The following STAM variants were observed in gnomAD, a reference collection of about 807,000 sequenced individuals.
STAM encodes the protein signal transducing adaptor molecule, also known as signal transducing adapter molecule 1.
A neutral mutation model predicts 63.4 loss-of-function variants in STAM; 16 were observed. The observed-to-expected ratio is 0.25, with a 90% CI of 0.17 to 0.38. The LOEUF (loss-of-function observed/expected upper bound fraction) is 0.38. STAM is among the 10% of genes least tolerant of loss of function. STAM has a pLI of 1.00. For synonymous variants in STAM, 238 were observed against 223.9 expected (o/e 1.06, Z -0.56); for missense variants, 636 against 657.1 (o/e 0.97, Z 0.35).
At chr10:17,645,732 CAGTT>C (rs1833494868) in intron 1 of STAM, among the ~76,000 whole-genome samples, 1 of 152,122 alleles carries the variant, frequency 6.6e-6, no homozygotes, top group Non-Finnish European at 1.5e-5. Context: ...ATTTAATAAG[CAGTT>C]AGCACACACT....
intron 13 of STAM, among the ~76,000 whole-genome samples, chr10:17,711,931 T>C (rs1229199506): frequency 6.6e-6 from 1 of 152,220 alleles, no homozygotes; most frequent in African/African-American, 2.4e-5. Flanking sequence ...TGAGTATTTG[T>C]TGGCAAGATA....
intron 2 of STAM, among the ~76,000 whole-genome samples, chr10:17,667,608 G>GC (rs1205788739): frequency 6.6e-6 from 1 of 152,224 alleles, no homozygotes; most frequent in African/African-American, 2.4e-5. Context: ...CATAGCCTTT[G>GC]CCGTCAATGG....
intron 1 of STAM, among the ~76,000 whole-genome samples, chr10:17,648,989 C>T (rs1221018566): frequency 6.6e-6 from 1 of 152,160 alleles, no homozygotes; most frequent in Non-Finnish European, 1.5e-5. Flanking sequence ...CTATATGGTA[C>T]TCTTTGCCTG....
At position 17,716,363 on chromosome 10, in the gene STAM, TGA is replaced by T. The variant is rs1473949061; in HGVS notation, c.*1585_*1586del. Among the ~76,000 whole-genome samples the T allele has an allele frequency of 2.6e-5, 4 of 152,070 alleles. No individual in the cohort carries two copies. The highest frequency in any genetic ancestry group is 2.6e-4 in the Admixed American group (4 of 15,272). Reference sequence around the variant, plus strand: ...ATTTAAAGCACCGTAGTTTTAAATCTGAGCCTGTGAAATTAGTCACCTGTAAG... The same window carrying T: ...ATTTAAAGCACCGTAGTTTTAAATCTGCCTGTGAAATTAGTCACCTGTAAG... On this transcript the variant is annotated 3_prime_UTR_variant, in exon 14 of 14. Transcript: ENST00000377524.
At chr10:17,656,355 C>G (rs1242621081) in intron 1 of STAM, among the ~76,000 whole-genome samples, 13 of 150,164 alleles carry the variant, frequency 8.7e-5, no homozygotes, top group Admixed American at 8.6e-4. Flanking sequence ...ATGGCTAATA[C>G]TGGAGAAATC....
intron 13 of STAM, among the ~76,000 whole-genome samples, chr10:17,713,333 C>G (rs1836646733): frequency 6.6e-6 from 1 of 152,196 alleles, no homozygotes; most frequent in Non-Finnish European, 1.5e-5. Context: ...CGAGGATTCC[C>G]AGATGCGTAT....
At chr10:17,670,134 T>C (rs1029362896) in intron 2 of STAM, among the ~76,000 whole-genome samples, 1 of 152,140 alleles carries the variant, frequency 6.6e-6, no homozygotes, top group Non-Finnish European at 1.5e-5. Context: ...CAGGAGAGAA[T>C]TGGGATAACA....
At position 17,709,020 on chromosome 10, in the gene STAM, A is replaced by G. The variant is rs1836433927; in HGVS notation, c.1385+69A>G. On this transcript the variant is annotated intron_variant, in intron 13 of 13. Coordinates refer to ENST00000377524, the MANE Select transcript of STAM (RefSeq NM_003473.4). Reference sequence around the variant, plus strand: ...GCTGTTTAAGTGCCCCCAGTTATCTATAACTATAAAATCTGGCTAATAAAT... The same window carrying G: ...GCTGTTTAAGTGCCCCCAGTTATCTGTAACTATAAAATCTGGCTAATAAAT... 3.2e-5 allele frequency: 49 copies of G among 1,523,662 alleles called. No individual in the cohort carries two copies. In the South Asian group the frequency reaches 3.7e-4, roughly 12 times the overall value. The allele number at this position is 1,523,662 out of a possible 1,614,324, so 94.4% of individuals were successfully genotyped here.
chr10:17,714,867 C>G lies in STAM; in HGVS notation c.*87C>G. ...CATTACTATCTTAAGATGTGTTTAT[C>G]CTCAGCTTATAGGAATCTCTCCAGG... On this transcript the variant is annotated 3_prime_UTR_variant, in exon 14 of 14. Transcript: ENST00000377524. 7.8e-7 allele frequency: 1 copy of G among 1,274,292 alleles called. No homozygotes were observed. The highest frequency in any genetic ancestry group is 1.1e-6 in the Non-Finnish European group (1 of 879,616). 78.9% of individuals were successfully genotyped at this position (1,274,292 alleles called of 1,614,324 possible).
chr10:17,695,549 T>G (rs896836356), intron 7 of STAM, among the ~76,000 whole-genome samples: 14 of 152,348 alleles, frequency 9.2e-5, no homozygotes, highest in Non-Finnish European at 1.5e-4. Context: ...AGAAAAACAC[T>G]GAGTATGTAT....
chr10:17,715,218 TAAAC>T lies in STAM; in HGVS notation c.*441_*444del, dbSNP rs1421415361. The stretch of plus-strand genomic sequence containing the variant: ...TTACGTTGCTATTTTATTTTAATCA[TAAAC>T]AACTACCATGTTTCTTAATGTTTTG... On this transcript the variant is annotated 3_prime_UTR_variant, in exon 14 of 14. Coordinates refer to ENST00000377524, the MANE Select transcript of STAM (RefSeq NM_003473.4). The T allele has an allele frequency of 3.5e-5, 6 of 170,116 alleles. No individual in the cohort carries two copies. Among genetic ancestry groups the T allele is most frequent in the African/African-American group, 1.2e-4 (5 of 42,066 alleles). 10.5% of individuals were successfully genotyped at this position (170,116 alleles called of 1,614,324 possible).
Position 17,693,240 on chromosome 10 carries a change from G to A in STAM, c.463G>A (p.Ala155Thr), listed in dbSNP as rs782163179. 35 of 1,613,432 alleles carry A rather than the reference G, an allele frequency of 2.2e-5. No homozygotes were observed. Among genetic ancestry groups the A allele is most frequent in the Non-Finnish European group, 3.0e-5 (35 of 1,179,804 alleles). ...TTGTTAGGCTGCAGAACAAGCAAAA[G>A]CAAGCCCAGCTCTTGTAGCCAAGGA... is the stretch of plus-strand genomic sequence containing the variant. Reference protein sequence around the residue: ...IGSQAAEQAKASPALVAKDPG... With the variant: ...IGSQAAEQAKTSPALVAKDPG... The change falls in exon 6 of 14, where the codon GCA becomes ACA. Residue 155 changes from alanine (A) to threonine (T), a missense_variant. Coordinates refer to ENST00000377524, the MANE Select transcript of STAM (RefSeq NM_003473.4).
At position 17,708,801 on chromosome 10, in the gene STAM, G is replaced by A; in HGVS notation, c.1235G>A (p.Gly412Asp). The change falls in exon 13 of 14, where the codon GGT becomes GAT. Residue 412 changes from glycine to aspartate, a missense_variant. This residue lies in a region of STAM where 532 missense variants were observed against 536.9 expected (regional missense o/e 0.99). Transcript: ENST00000377524. ...SQVYAGPPPS[G>D]AYLVAGNAQM... Reference sequence around the variant, plus strand: ...GTGTATGCAGGGCCTCCTCCAAGTGGTGCCTACCTGGTTGCAGGGAACGCG... The same window carrying A: ...GTGTATGCAGGGCCTCCTCCAAGTGATGCCTACCTGGTTGCAGGGAACGCG... 1 of 1,613,808 alleles carries A rather than the reference G, an allele frequency of 6.2e-7. No homozygotes were observed. Among genetic ancestry groups the A allele is most frequent in the Non-Finnish European group, 8.5e-7 (1 of 1,179,792 alleles).
At chr10:17,705,916 A>T (rs1400923075) in intron 12 of STAM, among the ~76,000 whole-genome samples, 175 bp downstream of exon 12, 1 of 151,858 alleles carries the variant, frequency 6.6e-6, no homozygotes, top group Non-Finnish European at 1.5e-5. Context: ...AAAAAAAAAA[A>T]AAAAAATTAG....
intron 2 of STAM, among the ~76,000 whole-genome samples, chr10:17,663,813 C>A (rs184754180): frequency 1.8e-4 from 27 of 152,020 alleles, no homozygotes; most frequent in Admixed American, 1.4e-3. Flanking sequence ...TATTTTCTTT[C>A]AATAATACTG....
rs1834705336 is a variant in STAM, at chr10:17,673,057, G to C, written c.126-11618G>C. On this transcript the variant is annotated intron_variant, in intron 2 of 13. Coordinates refer to ENST00000377524, the MANE Select transcript of STAM (RefSeq NM_003473.4). Reference sequence around the variant, plus strand: ...TAAGAAGCTTTTTGAGAGAGATGAGGATTTGCCCACCCTTTAAACAGGTAG... The same window carrying C: ...TAAGAAGCTTTTTGAGAGAGATGAGCATTTGCCCACCCTTTAAACAGGTAG... 3.0e-6 allele frequency: 3 copies of C among 985,184 alleles called. No homozygotes were observed. The African/African-American group carries it at 5.2e-5, about 17-fold the overall frequency. The allele number at this position is 985,184 out of a possible 1,614,324, so 61.0% of individuals were successfully genotyped here.
intron 10 of STAM, among the ~76,000 whole-genome samples, 185 bp from the exon 11 acceptor site, chr10:17,704,785 A>G (rs573350884): frequency 2.0e-5 from 3 of 152,324 alleles, no homozygotes; most frequent in East Asian, 3.9e-4. Flanking sequence ...AATATTTTAG[A>G]TTAAGTTGTC....
At chr10:17,658,052 G>A (rs1834012655) in intron 1 of STAM, among the ~76,000 whole-genome samples, 1 of 151,820 alleles carries the variant, frequency 6.6e-6, no homozygotes, top group Non-Finnish European at 1.5e-5. Context: ...TAAGGTAGAA[G>A]CTTATTGATT....
chr10:17,704,561 G>A (rs1554828975), intron 10 of STAM, 43 bp downstream of exon 10: 2 of 1,474,968 alleles, frequency 1.4e-6, no homozygotes, highest in South Asian at 1.1e-5. Flanking sequence ...AGTAGTTAGA[G>A]GTTAATAACT....
Sources: allele counts gnomAD v4.1 joint callset (sites outside exome capture counted in the v4.1 genomes callset), GRCh38; gene constraint gnomAD v4.1.1; regional missense constraint gnomAD v4.1.1; transcripts MANE v1.5; gene names NCBI Gene and HGNC (gene_info 2026-07-23, HGNC 2026-07-21).